SLC4A4: variants seen among roughly 807,000 people sequenced by gnomAD.
SLC4A4 encodes electrogenic sodium bicarbonate cotransporter 1.
In SLC4A4, 27 loss-of-function variants were observed where a neutral mutation model predicts 111.5. That is an observed-to-expected ratio of 0.24 (90% CI 0.18 to 0.33). The LOEUF is 0.33. Ranked by LOEUF, SLC4A4 falls within the 10% of genes least tolerant of loss-of-function variation. The pLI is 1.00. For missense variants in SLC4A4, 909 were observed against 1,315.5 expected, an observed-to-expected ratio of 0.69 and a Z score of 4.78; for synonymous variants, 443 against 463.4, an observed-to-expected ratio of 0.96 and a Z score of 0.57.
intron 4 of SLC4A4, among the ~76,000 whole-genome samples, chr4:71,344,290 G>A (rs1240523051): frequency 6.6e-6 from 1 of 152,128 alleles, no homozygotes; most frequent in Non-Finnish European, 1.5e-5. Context: ...TCTTTGGAGA[G>A]GCGTGGAGTG....
chr4:71,084,695 G>A (rs1315049178), intron 1 of SLC4A4, among the ~76,000 whole-genome samples: 6 of 151,938 alleles, frequency 3.9e-5, no homozygotes, highest in Admixed American at 1.3e-4. Context: ...GAGAATGATG[G>A]TTTCCAGCTT....
chr4:71,152,998 AAT>A (rs1167214898), intron 2 of SLC4A4, among the ~76,000 whole-genome samples: 1 of 143,532 alleles, frequency 7.0e-6, no homozygotes, highest in East Asian at 2.0e-4. Flanking sequence ...TGTATATATA[AAT>A]ATATATGTGT....
rs1032150293 is a variant in SLC4A4, at chr4:71,090,932, A to C, written c.-64-1798A>C. Among the ~76,000 whole-genome samples, 3 of 152,062 alleles carry C rather than the reference A, an allele frequency of 2.0e-5. No homozygotes were observed. In the South Asian group the frequency reaches 6.2e-4, roughly 32 times the overall value. On this transcript the variant is annotated intron_variant, in intron 1 of 26. Coordinates refer to the SLC4A4 transcript ENST00000649996. The stretch of plus-strand genomic sequence containing the variant: ...ACACAGAAGGTCGTTCATGTTGAGG[A>C]CATTTTTGTTTGTTTGTTTTTCTTT...
rs904498509 is a variant in SLC4A4 at position 71,397,565 on chromosome 4, G to A, written c.731-12G>A. The A allele has an allele frequency of 1.2e-6, 2 of 1,611,776 alleles. No homozygotes were observed. The highest frequency in any genetic ancestry group is 1.7e-6 in the Non-Finnish European group (2 of 1,178,120). On this transcript the variant is annotated splice_polypyrimidine_tract_variant and intron_variant, in intron 6 of 25. Coordinates refer to ENST00000264485, the MANE Select transcript of SLC4A4 (RefSeq NM_001098484.3). ...AGAAGTCTTTAATTAGAGTTTACTTGTGTTTTTCCAGGTAGCCCAGCCATG... is the reference window on the plus strand; with the variant it reads ...AGAAGTCTTTAATTAGAGTTTACTTATGTTTTTCCAGGTAGCCCAGCCATG...
chr4:71,170,786 A>G (rs1744912192), intron 2 of SLC4A4, among the ~76,000 whole-genome samples: 1 of 152,232 alleles, frequency 6.6e-6, no homozygotes, highest in African/African-American at 2.4e-5. Flanking sequence ...CATAGTCTAA[A>G]TGCTATCAGT....
At chr4:71,374,977 G>GATTAATGCAACTTTC (rs1354002146) in intron 6 of SLC4A4, among the ~76,000 whole-genome samples, 2 of 152,078 alleles carry the variant, frequency 1.3e-5, no homozygotes, top group Non-Finnish European at 2.9e-5. Flanking sequence ...CGTCAACTTT[G>GATTAATGCAACTTTC]ATTAATGCAA....
chr4:71,280,318 T>G (rs1449666379), intron 3 of SLC4A4, among the ~76,000 whole-genome samples: 1 of 152,244 alleles, frequency 6.6e-6, no homozygotes, highest in African/African-American at 2.4e-5. Context: ...ATTAGATATA[T>G]GGTTTATGAA....
chr4:71,177,038 A>G (rs1318935142), intron 2 of SLC4A4, among the ~76,000 whole-genome samples: 1 of 152,214 alleles, frequency 6.6e-6, no homozygotes, highest in Admixed American at 6.5e-5. Flanking sequence ...ATTCTTAAAG[A>G]AAAGAATTTT....
In SLC4A4 at chr4:71,413,794, T is replaced by A. The variant is rs548165064; in HGVS notation, c.807+16141T>A. Among the ~76,000 whole-genome samples the A allele has an allele frequency of 1.2e-4, 19 of 152,214 alleles. 1 individual carries two copies. The highest frequency in any genetic ancestry group is 4.6e-4 in the African/African-American group (19 of 41,528). On this transcript the variant is annotated intron_variant, in intron 7 of 25. Transcript: ENST00000264485. ...TCTAGGTTCCTTCCAGTTCTAAAAT[T>A]CTGTGATTCAGATCAGCTGGGGAAC...
At chr4:71,144,411 GA>G (rs550399260) in intron 2 of SLC4A4, among the ~76,000 whole-genome samples, 2 of 152,286 alleles carry the variant, frequency 1.3e-5, no homozygotes, top group South Asian at 4.2e-4. Flanking sequence ...TTTGGCTTAG[GA>G]TTTACCTGGC....
intron 3 of SLC4A4, among the ~76,000 whole-genome samples, chr4:71,257,218 T>C (rs986102414): frequency 1.3e-5 from 2 of 152,238 alleles, no homozygotes; most frequent in Non-Finnish European, 2.9e-5. Context: ...CTCAGAGGTT[T>C]CTTCCTGGGG....
chr4:71,304,666 G>GT (rs1560393997), intron 3 of SLC4A4, among the ~76,000 whole-genome samples: 1 of 152,214 alleles, frequency 6.6e-6, no homozygotes, highest in Non-Finnish European at 1.5e-5. Flanking sequence ...CTATACCTTA[G>GT]TGTGGAAGTA....
chr4:71,131,346 G>T (rs1337812574), intron 2 of SLC4A4, among the ~76,000 whole-genome samples: 1 of 152,146 alleles, frequency 6.6e-6, no homozygotes, highest in Non-Finnish European at 1.5e-5. Context: ...TCCTTGCTCA[G>T]CAGTCCTCCA....
intron 5 of SLC4A4, among the ~76,000 whole-genome samples, chr4:71,350,792 A>G (rs1351624133): frequency 1.3e-5 from 2 of 152,164 alleles, no homozygotes; most frequent in African/African-American, 2.4e-5. Flanking sequence ...CAAGAATGTT[A>G]CACTGGTCAC....
intron 4 of SLC4A4, among the ~76,000 whole-genome samples, chr4:71,347,569 G>A (rs545326135): frequency 2.0e-5 from 3 of 152,102 alleles, no homozygotes; most frequent in Non-Finnish European, 4.4e-5. Context: ...CCTCCCAAAG[G>A]GCCCATCTCC....
intron 3 of SLC4A4, among the ~76,000 whole-genome samples, chr4:71,277,584 CCTT>C (rs1283110505): frequency 6.7e-6 from 1 of 148,500 alleles, no homozygotes; most frequent in Non-Finnish European, 1.5e-5. Context: ...TTCCTTCCTT[CCTT>C]CTTTCTTTCT....
intron 6 of SLC4A4, among the ~76,000 whole-genome samples, chr4:71,362,990 A>G (rs551801394): frequency 2.0e-5 from 3 of 152,272 alleles, no homozygotes; most frequent in Middle Eastern, 6.8e-3. Context: ...AAATATGAGA[A>G]ATGTAATCCA....
At chr4:71,111,501 C>T (rs537568368) in intron 2 of SLC4A4, among the ~76,000 whole-genome samples, 69 of 136,588 alleles carry the variant, frequency 5.1e-4, no homozygotes, top group Non-Finnish European at 1.7e-4. Context: ...AGCTGGATTA[C>T]AGGTGCCTGC....
chr4:71,483,240 G>C (rs1340435483), intron 14 of SLC4A4, among the ~76,000 whole-genome samples: 2 of 151,472 alleles, frequency 1.3e-5, no homozygotes, highest in African/African-American at 4.8e-5. Context: ...GTGTGCCATG[G>C]GGGGTTGTTT....
Sources: allele counts gnomAD v4.1 joint callset (sites outside exome capture counted in the v4.1 genomes callset), GRCh38; gene constraint gnomAD v4.1.1; transcripts MANE v1.5; gene names NCBI Gene and HGNC (gene_info 2026-07-23, HGNC 2026-07-21).